Variants in FRMD5 observed in about 807,000 individuals in gnomAD.
FRMD5 encodes the protein FERM domain containing 5, also known as FERM domain-containing protein 5.
A neutral mutation model predicts 69.0 loss-of-function variants in FRMD5; 20 were observed. The ratio of observed to expected loss-of-function variants is 0.29; its 90% confidence interval spans 0.20 to 0.42. The LOEUF (loss-of-function observed/expected upper bound fraction) is 0.42. Ranked by LOEUF, FRMD5 falls within the 10% of genes least tolerant of loss-of-function variation. The pLI, the probability that FRMD5 is intolerant of heterozygous loss-of-function variation, is 1.00. For synonymous variants in FRMD5, 271 were observed against 260.1 expected, an observed-to-expected ratio of 1.04 and a Z score of -0.40; for missense variants, 595 against 708.6, an observed-to-expected ratio of 0.84 and a Z score of 1.82.
chr15:44,145,576 T>G (rs1260256832), intron 1 of FRMD5, among the ~76,000 whole-genome samples: 2 of 152,182 alleles, frequency 1.3e-5, no homozygotes, highest in African/African-American at 4.8e-5. Context: ...AATTTGGAAG[T>G]AAAATCCGTT....
chr15:44,098,500 G>C (rs1293571102), intron 1 of FRMD5, among the ~76,000 whole-genome samples: 2 of 148,248 alleles, frequency 1.3e-5, no homozygotes, highest in Admixed American at 6.8e-5. Context: ...ACTCCAGCCT[G>C]GCGACACAGC....
chr15:44,108,138 A>G (rs1338607508), intron 1 of FRMD5, among the ~76,000 whole-genome samples: 1 of 152,226 alleles, frequency 6.6e-6, no homozygotes, highest in Non-Finnish European at 1.5e-5. Flanking sequence ...CAAAATTAAA[A>G]AAGAATAATA....
At chr15:43,906,931 C>T (rs1282937671) in intron 5 of FRMD5, among the ~76,000 whole-genome samples, 1 of 152,166 alleles carries the variant, frequency 6.6e-6, no homozygotes, top group African/African-American at 2.4e-5. Context: ...GCTCATTTCT[C>T]AAGTCCCTGC....
intron 1 of FRMD5, among the ~76,000 whole-genome samples, chr15:44,137,357 C>A (rs1406718744): frequency 1.3e-5 from 2 of 152,224 alleles, no homozygotes; most frequent in African/African-American, 2.4e-5. Context: ...CTGAGGAATG[C>A]AGCCCATGGC....
intron 1 of FRMD5, among the ~76,000 whole-genome samples, chr15:44,009,377 T>C (rs1450563435): frequency 6.6e-6 from 1 of 152,136 alleles, no homozygotes; most frequent in East Asian, 1.9e-4. Context: ...TGTCTTTCTG[T>C]ACATTTTTAA....
At chr15:44,192,295 A>G (rs1314399763) in intron 1 of FRMD5, among the ~76,000 whole-genome samples, 4 of 152,156 alleles carry the variant, frequency 2.6e-5, no homozygotes, top group African/African-American at 7.2e-5. Context: ...AAATTTACCA[A>G]ATGGAACTAT....
At chr15:44,165,522 A>C (rs1255123549) in intron 1 of FRMD5, among the ~76,000 whole-genome samples, 1 of 152,200 alleles carries the variant, frequency 6.6e-6, no homozygotes, top group Non-Finnish European at 1.5e-5. Flanking sequence ...CAGGTAGCAG[A>C]TATTAAATTA....
At chr15:43,917,438 T>G (rs2140435092) in intron 4 of FRMD5, among the ~76,000 whole-genome samples, 1 of 152,332 alleles carries the variant, frequency 6.6e-6, no homozygotes, top group African/African-American at 2.4e-5. Context: ...TCACTCAGGC[T>G]GGAGTGTAAT....
chr15:44,145,765 C>T (rs1364037329), intron 1 of FRMD5, among the ~76,000 whole-genome samples: 3 of 151,968 alleles, frequency 2.0e-5, no homozygotes, highest in Non-Finnish European at 2.9e-5. Flanking sequence ...ATAATTCTGC[C>T]GAACTGAATG....
intron 1 of FRMD5, among the ~76,000 whole-genome samples, chr15:44,039,144 A>C (rs1892069597): frequency 6.6e-6 from 1 of 152,204 alleles, no homozygotes; most frequent in Non-Finnish European, 1.5e-5. Flanking sequence ...TAGGCAGGGC[A>C]TCTCTGAAAA....
rs1338024390 is a variant in FRMD5, at chr15:43,891,854, T to C, written c.728+127A>G. 37 of 722,348 alleles carry C rather than the reference T, an allele frequency of 5.1e-5. No individual in the cohort carries two copies. The Admixed American group carries it at 7.9e-4, about 15-fold the overall frequency. 44.7% of individuals were successfully genotyped at this position (722,348 alleles called of 1,614,324 possible). Reference sequence around the variant, plus strand: ...CCACTCCCTTCGTCAGTTACCACCATCAACGCAAGGCTTTGGAGAGGGCTC... The same window carrying C: ...CCACTCCCTTCGTCAGTTACCACCACCAACGCAAGGCTTTGGAGAGGGCTC... On this transcript the variant is annotated intron_variant, in intron 8 of 13. Coordinates refer to ENST00000417257, the MANE Select transcript of FRMD5 (RefSeq NM_032892.5).
At chr15:43,982,389 T>C (rs534978781) in intron 1 of FRMD5, among the ~76,000 whole-genome samples, 21 of 152,368 alleles carry the variant, frequency 1.4e-4, no homozygotes, top group African/African-American at 3.6e-4. Flanking sequence ...AGGATTCTTG[T>C]TGTCCAGGTC....
At chr15:44,016,867 C>T (rs1890984790) in intron 1 of FRMD5, among the ~76,000 whole-genome samples, 1 of 148,834 alleles carries the variant, frequency 6.7e-6, no homozygotes, top group Non-Finnish European at 1.5e-5. Flanking sequence ...CAGGGTCTCA[C>T]TCGGTTTTGC....
At chr15:44,090,972 G>C (rs1318844010) in intron 1 of FRMD5, among the ~76,000 whole-genome samples, 1 of 152,132 alleles carries the variant, frequency 6.6e-6, no homozygotes, top group Non-Finnish European at 1.5e-5. Context: ...CCAGCTTGGG[G>C]ACCCTGCACA....
chr15:44,163,210 A>C (rs1352309763), intron 1 of FRMD5, among the ~76,000 whole-genome samples: 2 of 152,168 alleles, frequency 1.3e-5, no homozygotes, highest in African/African-American at 4.8e-5. Flanking sequence ...TGTCTCCCCA[A>C]ATCCGCATCT....
intron 2 of FRMD5, 47 bp downstream of exon 2, chr15:43,924,158 T>G (rs201428627): frequency 1.4e-6 from 2 of 1,402,454 alleles, no homozygotes; most frequent in African/African-American, 1.4e-5. Flanking sequence ...GACCTCAGTC[T>G]TATTGACTAG....
At chr15:43,876,589 C>T (rs1296879025) in intron 13 of FRMD5, among the ~76,000 whole-genome samples, 2 of 152,138 alleles carry the variant, frequency 1.3e-5, no homozygotes, top group East Asian at 1.9e-4. Flanking sequence ...CATCAAATAC[C>T]GAATATCCTT....
chr15:43,960,158 G>A (rs1419766101), intron 1 of FRMD5, among the ~76,000 whole-genome samples: 22 of 152,124 alleles, frequency 1.4e-4, no homozygotes, highest in Admixed American at 3.9e-4. Flanking sequence ...GCACAATCTC[G>A]GCTCACTGCA....
At chr15:43,958,115 C>T (rs2929278) in intron 1 of FRMD5, among the ~76,000 whole-genome samples, 60,573 of 152,032 alleles carry the variant, frequency 0.4, 15,963 homozygotes, top group African/African-American at 0.75. Flanking sequence ...ACAGTGTATA[C>T]TCCCCTTTTC....
Sources: gnomAD v4.1 joint callset for allele counts (sites outside exome capture counted in the v4.1 genomes callset) on GRCh38, gnomAD v4.1.1 for gene constraint, MANE v1.5 for transcripts, NCBI Gene and HGNC (gene_info 2026-07-23, HGNC 2026-07-21) for gene names.